The following SIPA1 variants were observed in gnomAD, a reference collection of about 807,000 sequenced individuals.
SIPA1 encodes signal-induced proliferation-associated protein 1.
A neutral mutation model predicts 88.1 loss-of-function variants in SIPA1; 51 were observed. The observed-to-expected ratio is 0.58, with a 90% CI of 0.46 to 0.73. The LOEUF is 0.73. SIPA1 is among the 30% of genes least tolerant of loss of function. SIPA1 has a pLI of 0.00. For missense variants in SIPA1, 1,348 were observed against 1,467.6 expected, an observed-to-expected ratio of 0.92 and a Z score of 1.33; for synonymous variants, 681 against 664.8, an observed-to-expected ratio of 1.02 and a Z score of -0.37.
rs1005841828 is a variant in SIPA1 at position 65,650,679 on chromosome 11, C to T, written c.3093C>T (p.Ser1031=). 1 of 1,579,710 alleles carries T rather than the reference C, an allele frequency of 6.3e-7. No individual in the cohort carries two copies. The highest frequency in any genetic ancestry group is 1.3e-5 in the African/African-American group (1 of 74,282). The change falls in exon 16 of 16, where the codon TCC becomes TCT. Residue 1031 remains serine (S), a synonymous_variant. Coordinates refer to ENST00000534313, the MANE Select transcript of SIPA1 (RefSeq NM_006747.4). ...ESAATRLLLA[S]KQLGSPTADL... is the part of the protein sequence containing the mutation. ...CAGCCACACGCCTCCTCCTGGCCTC[C>T]AAGCAGCTGGGCTCACCCACCGCCG...
Position 65,647,512 on chromosome 11 carries a change from G to A in SIPA1, c.2160G>A (p.Ala720=). The A allele has an allele frequency of 7.2e-7, 1 of 1,393,906 alleles. No individual in the cohort carries two copies. Among genetic ancestry groups the A allele is most frequent in the South Asian group, 1.5e-5 (1 of 67,160 alleles). 86.3% of individuals were successfully genotyped at this position (1,393,906 alleles called of 1,614,324 possible). A position where few individuals can be genotyped will look rare whatever the true frequency, so the allele number is the denominator to read the frequency against. ...HVERFTFAET[A]GLRPGARLLR... ...AGCGCTTCACATTCGCCGAGACGGC[G>A]GGGCTGCGGCCCGGGGCGCGCCTCC... Residue 720 remains alanine, a synonymous_variant, in exon 9 of 16, where the codon GCG becomes GCA. Transcript: ENST00000534313.
intron 11 of SIPA1, 37 bp downstream of exon 11, chr11:65,649,709 G>C (rs1459725651): frequency 1.2e-6 from 2 of 1,614,058 alleles, no homozygotes; most frequent in South Asian, 2.2e-5. Flanking sequence ...CAACAGCACA[G>C]TGGTGACAGT....
intron 2 of SIPA1, 111 bp downstream of exon 2, chr11:65,641,711 T>A: frequency 9.4e-7 from 1 of 1,066,332 alleles, no homozygotes; most frequent in Non-Finnish European, 1.3e-6. Context: ...GTAAAGTCCC[T>A]GGCCCTGGGA....
chr11:65,646,575 G>C lies in SIPA1; in HGVS notation c.1541G>C (p.Gly514Ala). The change falls in exon 8 of 16, where the codon GGT becomes GCT. Residue 514 changes from glycine to alanine, a missense_variant. By Grantham distance (60) the Gly-to-Ala change is moderately conservative (BLOSUM62 0). Around this residue, in one of 4 missense-constraint regions of SIPA1, gnomAD observed 641 missense variants for 797.7 expected, o/e 0.80. Coordinates refer to ENST00000534313, the MANE Select transcript of SIPA1 (RefSeq NM_006747.4). The surrounding 1 kb of genome is among the most constrained non-coding windows in gnomAD (Gnocchi z 7.5). ...TTCCTGCTGGCCAAAGCGCTGAATG[G>C]TGAGCAGGCGGCCGGCCACGCGCGC... ...RAFLLAKALN[G>A]EQAAGHARQF... 6.5e-7 allele frequency: 1 copy of C among 1,549,446 alleles called. No individual in the cohort carries two copies. The highest frequency in any genetic ancestry group is 8.7e-7 in the Non-Finnish European group (1 of 1,153,066).
chr11:65,638,584 C>T (rs1855943424), intron 1 of SIPA1, among the ~76,000 whole-genome samples: 1 of 152,210 alleles, frequency 6.6e-6, no homozygotes, highest in Non-Finnish European at 1.5e-5. Flanking sequence ...ACATCTGTCG[C>T]GCCCCCTGGC....
At position 65,646,521 on chromosome 11, in the gene SIPA1, C is replaced by T. The variant is rs1488547528; in HGVS notation, c.1487C>T (p.Pro496Leu). The T allele has an allele frequency of 2.5e-6, 4 of 1,570,326 alleles. No homozygotes were observed. The highest frequency in any genetic ancestry group is 2.3e-5 in the East Asian group (1 of 42,782). ...CCAGCTCTGCCTGCTGGCGGAGGCC[C>T]CTTCGCAGCCAACGCCGACTTCCGG... The part of the protein sequence containing the change: ...FGPALPAGGG[P>L]FAANADFRAF... The change falls in exon 8 of 16, where the codon CCC becomes CTC. Residue 496 changes from proline to leucine, a missense_variant. Transcript: ENST00000534313. The surrounding 1 kb of genome is among the most constrained non-coding windows in gnomAD (Gnocchi z 7.5).
At chr11:65,641,974 A>G (rs114995288) in intron 2 of SIPA1, 1 of 547,500 alleles carries the variant, frequency 1.8e-6, no homozygotes, top group Non-Finnish European at 3.2e-6. Context: ...GCTCCAGGAC[A>G]TAGAAGGGAG....
chr11:65,644,815 C>G, intron 4 of SIPA1, 140 bp from the exon 5 acceptor site: 1 of 792,386 alleles, frequency 1.3e-6, no homozygotes, highest in Admixed American at 2.6e-5. Context: ...ACAGACTGTA[C>G]TCACCTGACA....
At chr11:65,641,722 G>A in intron 2 of SIPA1, 122 bp downstream of exon 2, 1 of 947,362 alleles carries the variant, frequency 1.1e-6, no homozygotes, top group South Asian at 1.7e-5. Context: ...GGCCCTGGGA[G>A]GGCTCAAGAG....
chr11:65,645,908 T>A lies in SIPA1; in HGVS notation c.1214T>A (p.Met405Lys). The change falls in exon 6 of 16, where the codon ATG (methionine) becomes AAG (lysine). Residue 405 changes from methionine to lysine, a missense_variant. Met to Lys is a moderately conservative substitution (Grantham distance 95, BLOSUM62 -1). Transcript: ENST00000534313. ...LYTTYQDHEIMFHVSTMLPYT... is the reference protein window; with the variant it reads ...LYTTYQDHEIKFHVSTMLPYT... Reference sequence around the variant, plus strand: ...ACCACATACCAGGACCACGAGATCATGTTCCACGTGTCCACGATGCTGCCT... The same window carrying A: ...ACCACATACCAGGACCACGAGATCAAGTTCCACGTGTCCACGATGCTGCCT... 2 of 1,613,672 alleles carry A rather than the reference T, an allele frequency of 1.2e-6. No individual in the cohort carries two copies.
At chr11:65,644,002 G>A (rs1277805347) in intron 4 of SIPA1, among the ~76,000 whole-genome samples, 1 of 152,138 alleles carries the variant, frequency 6.6e-6, no homozygotes, top group Non-Finnish European at 1.5e-5. Flanking sequence ...CGATAGTGGA[G>A]GTGAAGAGGA....
At chr11:65,645,177 G>A in intron 5 of SIPA1, 48 bp downstream of exon 5, 1 of 1,557,014 alleles carries the variant, frequency 6.4e-7, no homozygotes, top group Non-Finnish European at 8.8e-7. Flanking sequence ...TGCTGAAGGG[G>A]TGAGCACAAA....
In SIPA1 at chr11:65,649,659, C is replaced by CACCCCTG. The variant is rs761956841; in HGVS notation, c.2629_2635dup (p.Gln879ProfsTer13). ...TCAGTACCCAGTGCTGACAGTGAGA[C>CACCCCTG]ACCCCTGACCCAGGTGAGCAGAAAC... On this transcript the variant is annotated frameshift_variant, in exon 11 of 16. Coordinates refer to ENST00000534313, the MANE Select transcript of SIPA1 (RefSeq NM_006747.4). LOFTEE classifies it high-confidence loss of function. 1 of 1,613,970 alleles carries CACCCCTG rather than the reference C, an allele frequency of 6.2e-7. No individual in the cohort carries two copies.
intron 1 of SIPA1, among the ~76,000 whole-genome samples, chr11:65,638,981 T>C (rs1414966762): frequency 6.6e-6 from 1 of 152,246 alleles, no homozygotes; most frequent in African/African-American, 2.4e-5. Context: ...GAGCGCTGAA[T>C]GTGCCCAGAG....
rs73490492 is a variant in SIPA1 at position 65,649,153 on chromosome 11, G to C, written c.2307-109G>C. 1.2e-4 allele frequency: 87 copies of C among 749,024 alleles called. No individual in the cohort carries two copies. The African/African-American group carries it at 1.5e-3, about 13-fold the overall frequency. The allele number at this position is 749,024 out of a possible 1,614,324, so 46.4% of individuals were successfully genotyped here. On this transcript the variant is annotated intron_variant, in intron 9 of 15. Transcript: ENST00000534313. Reference sequence around the variant, plus strand: ...CATTTTTCACTGTTGTCAGGATGCCGGGGAGCTCTCCTGCTCCTGGAAGTG... The same window carrying C: ...CATTTTTCACTGTTGTCAGGATGCCCGGGAGCTCTCCTGCTCCTGGAAGTG...
rs888982246 is a variant in SIPA1, at chr11:65,650,184, T to C, written c.2895T>C (p.Ser965=). 4 of 1,614,078 alleles carry C rather than the reference T, an allele frequency of 2.5e-6. No homozygotes were observed. The stretch of plus-strand genomic sequence containing the variant: ...GAGACCCTAAGGGAACTCCAAAATC[T>C]GATGCTGAGTAAGCTCCCCAACTCC... The part of the protein sequence containing the change: ...ESGDPKGTPK[S]DAEPEPGNLS... Residue 965 remains serine, a synonymous_variant, in exon 14 of 16, where the codon TCT becomes TCC. Transcript: ENST00000534313.
chr11:65,647,051 G>C lies in SIPA1; in HGVS notation c.2017G>C (p.Val673Leu). The C allele has an allele frequency of 6.5e-7, 1 of 1,542,878 alleles. No homozygotes were observed. The highest frequency in any genetic ancestry group is 8.7e-7 in the Non-Finnish European group (1 of 1,150,624). ...GSPGQAVGEVVARLQLVSRGC... is the reference protein window; with the variant it reads ...GSPGQAVGEVLARLQLVSRGC... Reference sequence around the variant, plus strand: ...CCCCGGCCAAGCCGTGGGCGAGGTGGTGGCGCGCCTGCAGGTGAGCTGGAG... The same window carrying C: ...CCCCGGCCAAGCCGTGGGCGAGGTGCTGGCGCGCCTGCAGGTGAGCTGGAG... Residue 673 changes from valine to leucine, a missense_variant, in exon 8 of 16, where the codon GTG becomes CTG. Physicochemically the swap from Val to Leu is conservative, Grantham distance 32. Transcript: ENST00000534313.
At chr11:65,644,629 T>C (rs556690245) in intron 4 of SIPA1, among the ~76,000 whole-genome samples, 2 of 149,568 alleles carry the variant, frequency 1.3e-5, no homozygotes, top group East Asian at 3.9e-4. Flanking sequence ...GGGGCTGGGG[T>C]GGGGGTGCCT....
chr11:65,650,668 C>A lies in SIPA1; in HGVS notation c.3082C>A (p.Leu1028Ile). The change falls in exon 16 of 16, where the codon CTC becomes ATC. Residue 1028 changes from leucine to isoleucine, a missense_variant. Leu to Ile is a conservative substitution (Grantham distance 5). Coordinates refer to ENST00000534313, the MANE Select transcript of SIPA1 (RefSeq NM_006747.4). ...GTCTGAGAGTGCAGCCACACGCCTC[C>A]TCCTGGCCTCCAAGCAGCTGGGCTC... is the stretch of plus-strand genomic sequence containing the variant. ...AESESAATRLLLASKQLGSPT... is the reference protein window; with the variant it reads ...AESESAATRLILASKQLGSPT... The A allele has an allele frequency of 6.3e-7, 1 of 1,577,374 alleles. No individual in the cohort carries two copies. Among genetic ancestry groups the A allele is most frequent in the Non-Finnish European group, 8.6e-7 (1 of 1,161,496 alleles).
Sources: allele counts gnomAD v4.1 joint callset (sites outside exome capture counted in the v4.1 genomes callset), GRCh38; gene constraint gnomAD v4.1.1; regional missense constraint gnomAD v4.1.1; non-coding constraint Gnocchi (gnomAD v3.1); transcripts MANE v1.5; gene names NCBI Gene and HGNC (gene_info 2026-07-23, HGNC 2026-07-21).